Variants in PLCH1 observed in about 807,000 individuals in gnomAD.
PLCH1 encodes phospholipase C eta 1.
PLCH1 carries 60 observed loss-of-function variants against 126.7 expected under a neutral mutation model. The ratio of observed to expected loss-of-function variants is 0.47; its 90% confidence interval spans 0.38 to 0.59. The LOEUF (loss-of-function observed/expected upper bound fraction) is 0.59, where lower values mean the gene tolerates loss of function less well. PLCH1 is among the 20% of genes least tolerant of loss of function. PLCH1 has a pLI of 0.00. For missense variants in PLCH1, 1,723 were observed against 2,040.0 expected, an observed-to-expected ratio of 0.84 and a Z score of 2.99; for synonymous variants, 719 against 734.9, an observed-to-expected ratio of 0.98 and a Z score of 0.35.
At chr3:155,612,146 G>A (rs372352927) in intron 2 of PLCH1, among the ~76,000 whole-genome samples, 4 of 151,644 alleles carry the variant, frequency 2.6e-5, no homozygotes, top group Non-Finnish European at 5.9e-5. Context: ...GTGAAACTTC[G>A]TCTCTACTAA....
At chr3:155,500,574 C>T (rs1717738671) in intron 14 of PLCH1, 129 bp downstream of exon 14, 2 of 639,398 alleles carry the variant, frequency 3.1e-6, no homozygotes, top group East Asian at 5.4e-5. Flanking sequence ...CTGTTCTTCA[C>T]ATGTTCGACA....
chr3:155,451,528 G>C (rs1712307607), intron 21 of PLCH1, among the ~76,000 whole-genome samples: 3 of 152,108 alleles, frequency 2.0e-5, no homozygotes, highest in Admixed American at 2.0e-4. Context: ...ATTACTTATG[G>C]GAATGTCTAT....
chr3:155,667,411 GA>G (rs1208710067), intron 2 of PLCH1, among the ~76,000 whole-genome samples: 1 of 152,006 alleles, frequency 6.6e-6, no homozygotes, highest in East Asian at 1.9e-4. Flanking sequence ...AAAGGAATAA[GA>G]AAATAAATTA....
intron 1 of PLCH1, among the ~76,000 whole-genome samples, chr3:155,723,628 G>A (rs971451506): frequency 6.6e-6 from 1 of 152,024 alleles, no homozygotes; most frequent in Non-Finnish European, 1.5e-5. Flanking sequence ...GATAGGTTGT[G>A]TCATTATTAT....
At chr3:155,723,344 T>C (rs1748089869) in intron 1 of PLCH1, among the ~76,000 whole-genome samples, 1 of 152,204 alleles carries the variant, frequency 6.6e-6, no homozygotes. Flanking sequence ...TCTATCAATT[T>C]TGTTTATCTT....
intron 21 of PLCH1, among the ~76,000 whole-genome samples, chr3:155,469,735 G>A (rs1381851501): frequency 9.2e-5 from 14 of 151,554 alleles, no homozygotes; most frequent in East Asian, 5.8e-4. Flanking sequence ...ATCTGAGAAC[G>A]GGCAGACTGC....
At chr3:155,583,274 C>G (rs765647816) in intron 6 of PLCH1, among the ~76,000 whole-genome samples, 198 bp downstream of exon 6, 1 of 151,812 alleles carries the variant, frequency 6.6e-6, no homozygotes, top group Non-Finnish European at 1.5e-5. Context: ...ATTATATAAC[C>G]CAGTGTTCAA....
At chr3:155,593,916 G>A in intron 4 of PLCH1, 25 bp downstream of exon 4, 1 of 1,610,994 alleles carries the variant, frequency 6.2e-7, no homozygotes, top group Non-Finnish European at 8.5e-7. Context: ...AGAGAGAGCT[G>A]AAAATAAAGT....
intron 6 of PLCH1, among the ~76,000 whole-genome samples, chr3:155,572,362 CT>C (rs1213816880): frequency 1.3e-5 from 2 of 152,200 alleles, no homozygotes; most frequent in African/African-American, 4.8e-5. Flanking sequence ...TCCAGAACTG[CT>C]GTTGAGAAAT....
At chr3:155,727,958 T>C (rs923427071) in intron 1 of PLCH1, among the ~76,000 whole-genome samples, 2 of 152,090 alleles carry the variant, frequency 1.3e-5, no homozygotes, top group Non-Finnish European at 2.9e-5. Flanking sequence ...CCCAGCTTTA[T>C]AACCAAAAGG....
In PLCH1 at chr3:155,726,526, A is replaced by T. The variant is rs913000306; in HGVS notation, c.-41+18314T>A. On this transcript the variant is annotated intron_variant, in intron 1 of 22. Transcript: ENST00000460012. ...TTAATTATATTTTGTCTATGTGTGG[A>T]TTTCTTTTTACTTACTCTGTCTGGA... 2.6e-5 allele frequency among the ~76,000 whole-genome samples: 4 copies of T among 151,794 alleles called. No individual in the cohort carries two copies. In the South Asian group the frequency reaches 8.3e-4, roughly 32 times the overall value.
chr3:155,552,076 C>T (rs1726222566), intron 9 of PLCH1, among the ~76,000 whole-genome samples: 1 of 152,190 alleles, frequency 6.6e-6, no homozygotes, highest in South Asian at 2.1e-4. Flanking sequence ...ACTAAATCTG[C>T]TATACAGCAA....
intron 10 of PLCH1, among the ~76,000 whole-genome samples, chr3:155,544,213 C>CA (rs1012733421): frequency 8.6e-5 from 13 of 151,762 alleles, no homozygotes; most frequent in African/African-American, 1.9e-4. Context: ...AAATGGAAAA[C>CA]AAAAAAAGGC....
rs539598431 is a variant in PLCH1, at chr3:155,726,257, GT to G, written c.-41+18582del. ...TTCTACCTCAAGTGTTACTCTTTTA[GT>G]GAAGATCTGCTGGAACAAATTCTTT... is the stretch of plus-strand genomic sequence containing the variant. On this transcript the variant is annotated intron_variant, in intron 1 of 22. Coordinates refer to ENST00000460012, the MANE Select transcript of PLCH1 (RefSeq NM_014996.4). 1.9e-4 allele frequency among the ~76,000 whole-genome samples: 29 copies of G among 152,190 alleles called. 1 individual carries two copies. In the South Asian group the frequency reaches 6.0e-3, roughly 32 times the overall value.
chr3:155,511,937 G>A (rs570833086), intron 12 of PLCH1, among the ~76,000 whole-genome samples: 8 of 152,164 alleles, frequency 5.3e-5, no homozygotes, highest in South Asian at 2.1e-4. Flanking sequence ...AATGGCGGGC[G>A]CCCCTCCCCC....
rs1745758194 is a variant in PLCH1, at chr3:155,695,946, G to A, written c.79+8200C>T. Among the ~76,000 whole-genome samples, 3 of 152,302 alleles carry A rather than the reference G, an allele frequency of 2.0e-5. No individual in the cohort carries two copies. In the South Asian group the frequency reaches 6.2e-4, roughly 32 times the overall value. On this transcript the variant is annotated intron_variant, in intron 2 of 22. Transcript: ENST00000460012. ...GAGATAAGGTTGGCAAGGCAGATGG[G>A]TACCAGGGCAGGAAGGAATTCTGCT...
chr3:155,465,177 C>T (rs1013413480), intron 21 of PLCH1, among the ~76,000 whole-genome samples: 14 of 151,204 alleles, frequency 9.3e-5, no homozygotes, highest in African/African-American at 3.2e-4. Flanking sequence ...TAAACCACCA[C>T]TTTGTCCCAG....
chr3:155,567,655 T>C (rs2108526456), intron 7 of PLCH1, among the ~76,000 whole-genome samples: 1 of 152,356 alleles, frequency 6.6e-6, no homozygotes, highest in South Asian at 2.1e-4. Flanking sequence ...CATGTAGCTA[T>C]ATTTCTGCCA....
intron 10 of PLCH1, among the ~76,000 whole-genome samples, chr3:155,535,439 G>A (rs1723224002): frequency 6.6e-6 from 1 of 152,150 alleles, no homozygotes; most frequent in East Asian, 1.9e-4. Context: ...ATATAAACTC[G>A]GTGCTGGTGG....
Sources: allele counts gnomAD v4.1 joint callset (sites outside exome capture counted in the v4.1 genomes callset), GRCh38; gene constraint gnomAD v4.1.1; transcripts MANE v1.5; gene names NCBI Gene and HGNC (gene_info 2026-07-23, HGNC 2026-07-21).